Variants in EPHA7 observed in about 807,000 individuals in gnomAD.
EPHA7 encodes EPH receptor A7, also known as ephrin type-A receptor 7.
EPHA7 carries 25 observed loss-of-function variants against 112.6 expected under a neutral mutation model. That is an observed-to-expected ratio of 0.22 (90% CI 0.16 to 0.31). The LOEUF is 0.31. EPHA7 is among the 10% of genes least tolerant of loss of function. The probability of loss-of-function intolerance (pLI) is 1.00; values close to 1 mark genes in which losing one functional copy is unlikely to be tolerated. For synonymous variants in EPHA7, 437 were observed against 406.5 expected (o/e 1.07, Z -0.90); for missense variants, 962 against 1,212.6 (o/e 0.79, Z 3.07).
chr6:93,368,495 A>G (rs1776623550), intron 3 of EPHA7, among the ~76,000 whole-genome samples: 1 of 152,130 alleles, frequency 6.6e-6, no homozygotes, highest in South Asian at 2.1e-4. Flanking sequence ...AGAATATTCT[A>G]TAAGGTCAGG....
At chr6:93,378,689 CACATTAG>C (rs1026818518) in intron 3 of EPHA7, among the ~76,000 whole-genome samples, 7 of 152,042 alleles carry the variant, frequency 4.6e-5, no homozygotes, top group African/African-American at 1.7e-4. Flanking sequence ...GTAAAGTTCC[CACATTAG>C]ACAGATTACA....
chr6:93,383,425 T>TA (rs1777447745), intron 3 of EPHA7, among the ~76,000 whole-genome samples: 1 of 151,842 alleles, frequency 6.6e-6, no homozygotes, highest in Non-Finnish European at 1.5e-5. Flanking sequence ...TGAGGAAACT[T>TA]AAAGTTATGT....
intron 5 of EPHA7, among the ~76,000 whole-genome samples, chr6:93,325,123 T>A (rs1774254278): frequency 6.6e-6 from 1 of 151,146 alleles, no homozygotes; most frequent in African/African-American, 2.4e-5. Context: ...GCTGAAGAAA[T>A]ATTTAGAATT....
chr6:93,339,162 T>C (rs1461655014), intron 5 of EPHA7, among the ~76,000 whole-genome samples: 1 of 151,602 alleles, frequency 6.6e-6, no homozygotes, highest in Non-Finnish European at 1.5e-5. Context: ...AGATAGTGTC[T>C]TCAGAATTCA....
intron 3 of EPHA7, among the ~76,000 whole-genome samples, chr6:93,408,492 G>T (rs1778822910): frequency 6.6e-6 from 1 of 152,034 alleles, no homozygotes; most frequent in African/African-American, 2.4e-5. Flanking sequence ...GAAACTGCAG[G>T]ATTTTCTACT....
At chr6:93,335,359 G>A (rs941867654) in intron 5 of EPHA7, among the ~76,000 whole-genome samples, 1 of 151,988 alleles carries the variant, frequency 6.6e-6, no homozygotes, top group South Asian at 2.1e-4. Flanking sequence ...TCCGTGTAGG[G>A]TTGTAATGTA....
At chr6:93,357,636 C>A (rs1776017856) in intron 4 of EPHA7, among the ~76,000 whole-genome samples, 1 of 149,542 alleles carries the variant, frequency 6.7e-6, no homozygotes. Flanking sequence ...CATTTAATAT[C>A]CATGCAAGAC....
rs544196174 is a variant in EPHA7 at position 93,349,452 on chromosome 6, T to A, written c.1324+7265A>T. Reference sequence around the variant, plus strand: ...TAACAGAAATGCATATTTTGAACAGTTTACTGTTAAAGGAAATTTATTCGA... The same window carrying A: ...TAACAGAAATGCATATTTTGAACAGATTACTGTTAAAGGAAATTTATTCGA... On this transcript the variant is annotated intron_variant, in intron 5 of 16. Transcript: ENST00000369303. 2.0e-5 allele frequency among the ~76,000 whole-genome samples: 3 copies of A among 151,964 alleles called. No individual in the cohort carries two copies. In the South Asian group the frequency reaches 6.2e-4, roughly 32 times the overall value.
At chr6:93,279,871 C>T (rs930340893) in intron 5 of EPHA7, among the ~76,000 whole-genome samples, 1 of 152,144 alleles carries the variant, frequency 6.6e-6, no homozygotes, top group Admixed American at 6.5e-5. Context: ...CTGTCATATG[C>T]TGGCATTTTG....
At chr6:93,282,618 G>T (rs373006365) in intron 5 of EPHA7, among the ~76,000 whole-genome samples, 2 of 152,240 alleles carry the variant, frequency 1.3e-5, no homozygotes, top group African/African-American at 4.8e-5. Flanking sequence ...GGCTGGAGCC[G>T]GCTCCTTCAG....
chr6:93,389,784 T>C (rs1403970336), intron 3 of EPHA7, among the ~76,000 whole-genome samples: 2 of 151,794 alleles, frequency 1.3e-5, no homozygotes, highest in Non-Finnish European at 2.9e-5. Flanking sequence ...GGAATCTGAG[T>C]CCACAGCACT....
chr6:93,406,286 A>T (rs1350614557), intron 3 of EPHA7, among the ~76,000 whole-genome samples: 1 of 151,650 alleles, frequency 6.6e-6, no homozygotes, highest in Non-Finnish European at 1.5e-5. Flanking sequence ...ATGTCTTTGA[A>T]TTTTTTACTT....
rs545519020 is a variant in EPHA7, at chr6:93,284,317, T to C, written c.1325-11895A>G. On this transcript the variant is annotated intron_variant, in intron 5 of 16. Coordinates refer to ENST00000369303, the MANE Select transcript of EPHA7 (RefSeq NM_004440.4). Reference sequence around the variant, plus strand: ...TCTTCCTCGTTAGTGGCTTTGCTCATTTATTTTTTTTTTTCAAAATCATCA... The same window carrying C: ...TCTTCCTCGTTAGTGGCTTTGCTCACTTATTTTTTTTTTTCAAAATCATCA... Among the ~76,000 whole-genome samples, 144 of 145,092 alleles carry C rather than the reference T, an allele frequency of 9.9e-4. 1 individual carries two copies. The highest frequency in any genetic ancestry group is 1.7e-3 in the Non-Finnish European group (113 of 64,690).
intron 3 of EPHA7, among the ~76,000 whole-genome samples, chr6:93,364,518 G>A (rs1776410337): frequency 7.2e-6 from 1 of 138,412 alleles, no homozygotes. Flanking sequence ...TTAGGCGACA[G>A]GAGCGAAACT....
At chr6:93,306,728 C>G (rs1773277217) in intron 5 of EPHA7, among the ~76,000 whole-genome samples, 1 of 151,954 alleles carries the variant, frequency 6.6e-6, no homozygotes, top group African/African-American at 2.4e-5. Context: ...TAATACATCT[C>G]CTATAAAAAT....
At chr6:93,388,974 G>A (rs560524146) in intron 3 of EPHA7, among the ~76,000 whole-genome samples, 7 of 152,094 alleles carry the variant, frequency 4.6e-5, no homozygotes, top group Admixed American at 4.6e-4. Context: ...AAGATCAAAT[G>A]CACACAAATA....
intron 5 of EPHA7, among the ~76,000 whole-genome samples, chr6:93,297,189 T>A (rs1772716819): frequency 2.0e-5 from 3 of 152,102 alleles, no homozygotes; most frequent in African/African-American, 7.2e-5. Flanking sequence ...CCTAATTTAA[T>A]CCTCAAAACT....
chr6:93,345,334 G>A (rs943733958), intron 5 of EPHA7, among the ~76,000 whole-genome samples: 4 of 151,786 alleles, frequency 2.6e-5, no homozygotes, highest in African/African-American at 9.6e-5. Context: ...ATGTCAACAC[G>A]CTATGGATAA....
chr6:93,400,618 A>G (rs1246425467), intron 3 of EPHA7, among the ~76,000 whole-genome samples: 1 of 151,912 alleles, frequency 6.6e-6, no homozygotes, highest in Non-Finnish European at 1.5e-5. Context: ...GCTCACTGTG[A>G]CCTCAACCTC....
Sources: allele counts gnomAD v4.1 joint callset (sites outside exome capture counted in the v4.1 genomes callset), GRCh38; gene constraint gnomAD v4.1.1; transcripts MANE v1.5; gene names NCBI Gene and HGNC (gene_info 2026-07-23, HGNC 2026-07-21).